Variants in ZNF117 observed in about 807,000 individuals in gnomAD.
ZNF117 encodes Krueppel-related zinc finger protein.
ZNF117 carries 37 observed loss-of-function variants against 41.2 expected under a neutral mutation model. That is an observed-to-expected ratio of 0.90 (90% CI 0.69 to 1.18). The LOEUF (loss-of-function observed/expected upper bound fraction) is 1.18, where lower values mean the gene tolerates loss of function less well. Among genes scored for constraint, ZNF117 ranks in the 50% most tolerant of loss-of-function variants. The pLI is 0.00. For synonymous variants in ZNF117, 186 were observed against 186.6 expected, an observed-to-expected ratio of 1.00 and a Z score of 0.02; for missense variants, 546 against 557.5, an observed-to-expected ratio of 0.98 and a Z score of 0.21.
chr7:64,982,840 A>T (rs1035307109), upstream of ZNF117, among the ~76,000 whole-genome samples: 2 of 152,216 alleles, frequency 1.3e-5, no homozygotes, highest in Non-Finnish European at 2.9e-5. Context: ...ATAGTAAAGA[A>T]ATCTGTCCAA....
downstream of ZNF117, chr7:64,973,458 A>G (rs1427467248): frequency 1.3e-5 from 2 of 151,996 alleles, no homozygotes; most frequent in Non-Finnish European, 2.9e-5. Context: ...CCGTTTAAAA[A>G]TTTAATAAGT....
upstream of ZNF117, among the ~76,000 whole-genome samples, chr7:64,983,244 CCT>C (rs1786068326): frequency 6.6e-6 from 1 of 152,058 alleles, no homozygotes; most frequent in African/African-American, 2.4e-5. Context: ...TACTAAAGAC[CCT>C]AGCTTTTCCC....
At chr7:64,982,606 G>T (rs557884734), upstream of ZNF117, among the ~76,000 whole-genome samples, 6 of 152,230 alleles carry the variant, frequency 3.9e-5, no homozygotes, top group East Asian at 1.2e-3. Flanking sequence ...TAATGTCAAT[G>T]TTTTTGGCCC....
chr7:64,977,771 A>T, exon 3 of ZNF117: 1 of 917,004 alleles, frequency 1.1e-6, no homozygotes, highest in South Asian at 1.3e-5. Flanking sequence ...TATGTGTAGT[A>T]AGAGTTGAGA....
upstream of ZNF117, among the ~76,000 whole-genome samples, chr7:64,984,127 T>C (rs1197075666): frequency 6.6e-6 from 1 of 151,886 alleles, no homozygotes; most frequent in African/African-American, 2.4e-5. Context: ...TTTGACAATT[T>C]CCAAAGAACA....
exon 1 of ZNF117, chr7:64,982,116 C>G (rs1285234770): frequency 3.2e-6 from 3 of 927,634 alleles, no homozygotes; most frequent in Non-Finnish European, 5.1e-6. Flanking sequence ...GTCAATGGTC[C>G]CTGAAAAACA....
chr7:64,975,058 T>C (rs113104346), exon 3 of ZNF117: 2 of 152,070 alleles, frequency 1.3e-5, no homozygotes, highest in African/African-American at 4.8e-5. Flanking sequence ...AGTTCTTTAG[T>C]TTAAAGTCAC....
intron 2 of ZNF117, 124 bp from the exon 4 acceptor site, chr7:64,979,660 T>A (rs1258492945): frequency 5.9e-6 from 4 of 676,720 alleles, no homozygotes; most frequent in Non-Finnish European, 8.8e-6. Context: ...TACCACAGGT[T>A]CTAATTCCTT....
exon 3 of ZNF117, chr7:64,976,489 TATA>T (rs1785890585): frequency 6.2e-6 from 1 of 160,322 alleles, no homozygotes; most frequent in Non-Finnish European, 1.4e-5. Flanking sequence ...TAATTGCTTT[TATA>T]ATGCTTTTAT....
intron 1 of ZNF117, among the ~76,000 whole-genome samples, chr7:64,988,600 G>C (rs1786184943): frequency 6.6e-6 from 1 of 152,106 alleles, no homozygotes; most frequent in Non-Finnish European, 1.5e-5. Context: ...GCCCTCACCA[G>C]AGCAATCAGA....
At chr7:64,984,827 A>G (rs1786099045), upstream of ZNF117, among the ~76,000 whole-genome samples, 1 of 152,072 alleles carries the variant, frequency 6.6e-6, no homozygotes, top group African/African-American at 2.4e-5. Flanking sequence ...GTCTCGCTCT[A>G]TTGCCCAGGC....
chr7:64,983,786 A>T (rs1371558966), upstream of ZNF117, among the ~76,000 whole-genome samples: 1 of 152,204 alleles, frequency 6.6e-6, no homozygotes, highest in African/African-American at 2.4e-5. Flanking sequence ...CACAGACACC[A>T]TGGGATAGTA....
At chr7:64,981,242 T>C (rs981257486) in intron 2 of ZNF117, 145 bp downstream of exon 3, 6 of 968,816 alleles carry the variant, frequency 6.2e-6, no homozygotes, top group Non-Finnish European at 9.5e-6. Flanking sequence ...ATATGTTCTA[T>C]GTGAGAGAAA....
chr7:64,981,367 G>A lies in ZNF117; in HGVS notation c.34+20C>T. On this transcript the variant is annotated intron_variant, in intron 2 of 2. Transcript: ENST00000620222. ...CTTTGACCTCTTCTCTGTGCCATCTGTGTATTCACTCTCACTTACCTAAAT... is the reference window on the plus strand; with the variant it reads ...CTTTGACCTCTTCTCTGTGCCATCTATGTATTCACTCTCACTTACCTAAAT... The A allele has an allele frequency of 1.2e-6, 2 of 1,612,534 alleles. No individual in the cohort carries two copies. The highest frequency in any genetic ancestry group is 1.7e-6 in the Non-Finnish European group (2 of 1,178,888).
exon 3 of ZNF117, chr7:64,976,712 G>A (rs1376414833): frequency 1.4e-5 from 5 of 350,934 alleles, no homozygotes. Context: ...TAAAGGCTTT[G>A]TACCATTCTT....
exon 1 of ZNF117, chr7:64,982,093 C>A: frequency 1.0e-6 from 1 of 966,788 alleles, no homozygotes; most frequent in Non-Finnish European, 1.6e-6. Flanking sequence ...ATTCTATGGC[C>A]ACATCCATAA....
At chr7:64,981,619 CT>C in intron 1 of ZNF117, 137 bp from the exon 3 acceptor site, 1 of 787,506 alleles carries the variant, frequency 1.3e-6, no homozygotes, top group South Asian at 2.3e-5. Flanking sequence ...ACAAAAATTT[CT>C]AAAGATTTAG....
chr7:64,973,202 A>C (rs1785808587), downstream of ZNF117: 1 of 152,030 alleles, frequency 6.6e-6, no homozygotes, highest in South Asian at 2.1e-4. Flanking sequence ...TATCATTCCA[A>C]ATATCAAATC....
At chr7:64,984,641 T>C (rs1273969961), upstream of ZNF117, among the ~76,000 whole-genome samples, 1 of 152,236 alleles carries the variant, frequency 6.6e-6, no homozygotes, top group Non-Finnish European at 1.5e-5. Flanking sequence ...TGTAATAGTT[T>C]GGTAGTAAAT....
Sources: allele counts gnomAD v4.1 joint callset (sites outside exome capture counted in the v4.1 genomes callset), GRCh38; gene constraint gnomAD v4.1.1; transcripts MANE v1.5; gene names NCBI Gene and HGNC (gene_info 2026-07-23, HGNC 2026-07-21).